The following SPON1 variants were observed in gnomAD, a reference collection of about 807,000 sequenced individuals.
SPON1 encodes the protein spondin-1.
A neutral mutation model predicts 111.7 loss-of-function variants in SPON1; 52 were observed. The observed-to-expected ratio is 0.47, with a 90% CI of 0.37 to 0.59. The LOEUF (loss-of-function observed/expected upper bound fraction) is 0.59. Among genes scored for constraint, SPON1 ranks in the 20% least tolerant of loss-of-function variants. The pLI, the probability that SPON1 is intolerant of heterozygous loss-of-function variation, is 0.00. For synonymous variants in SPON1, 410 were observed against 395.8 expected (o/e 1.04, Z -0.43); for missense variants, 957 against 1,068.5 (o/e 0.90, Z 1.46).
chr11:13,975,396 G>A (rs1554908971), intron 1 of SPON1, among the ~76,000 whole-genome samples: 1 of 152,096 alleles, frequency 6.6e-6, no homozygotes, highest in East Asian at 1.9e-4. Context: ...AACCTTTTTT[G>A]TTCATTCATT....
At chr11:14,104,938 A>G (rs1266752173) in intron 5 of SPON1, among the ~76,000 whole-genome samples, 3 of 152,150 alleles carry the variant, frequency 2.0e-5, no homozygotes, top group Admixed American at 6.5e-5. Flanking sequence ...TTTTCATTAC[A>G]ATGAAGTCCT....
At chr11:13,982,165 C>CGT (rs1848149127) in intron 1 of SPON1, among the ~76,000 whole-genome samples, 3 of 131,052 alleles carry the variant, frequency 2.3e-5, no homozygotes, top group Non-Finnish European at 5.1e-5. Context: ...TAAACTTTAT[C>CGT]ATATGTATGT....
chr11:14,173,633 T>G (rs183837101), intron 6 of SPON1, among the ~76,000 whole-genome samples: 1 of 152,322 alleles, frequency 6.6e-6, no homozygotes, highest in African/African-American at 2.4e-5. Context: ...TTTATCTACC[T>G]TTTGTCTTTG....
intron 5 of SPON1, among the ~76,000 whole-genome samples, chr11:14,112,117 AAAAAAGG>A (rs1424914889): frequency 1.2e-4 from 18 of 152,152 alleles, no homozygotes; most frequent in African/African-American, 4.3e-4. Flanking sequence ...GGGAAAAAAA[AAAAAAGG>A]AAAAAGAAAA....
chr11:14,151,612 T>A (rs1554929929), intron 6 of SPON1, among the ~76,000 whole-genome samples: 1 of 152,190 alleles, frequency 6.6e-6, no homozygotes. Context: ...TGGGTTATAA[T>A]GCCTTCTACC....
intron 1 of SPON1, among the ~76,000 whole-genome samples, chr11:13,981,974 T>C (rs1384667304): frequency 6.6e-6 from 1 of 152,198 alleles, no homozygotes; most frequent in Non-Finnish European, 1.5e-5. Context: ...AGTACTCCCT[T>C]ATCCGAGGTT....
chr11:14,087,644 G>A (rs1231461398), intron 5 of SPON1, among the ~76,000 whole-genome samples: 1 of 152,156 alleles, frequency 6.6e-6, no homozygotes, highest in East Asian at 1.9e-4. Context: ...AGATAGTTCT[G>A]TAGTTCTATT....
chr11:14,257,899 G>A lies in SPON1; in HGVS notation c.1492+1G>A. 1 of 1,541,160 alleles carries A rather than the reference G, an allele frequency of 6.5e-7. No individual in the cohort carries two copies. The highest frequency in any genetic ancestry group is 8.8e-7 in the Non-Finnish European group (1 of 1,142,538). On this transcript the variant is annotated splice_donor_variant, in intron 11 of 15. Transcript: ENST00000576479. LOFTEE classifies it high-confidence loss of function. Reference sequence around the variant, plus strand: ...ATGGGCCCTGGCTGCAGTGACGAAGGTGAGGAGACAACCCAGACCAGCCAG... The same window carrying A: ...ATGGGCCCTGGCTGCAGTGACGAAGATGAGGAGACAACCCAGACCAGCCAG...
intron 1 of SPON1, among the ~76,000 whole-genome samples, chr11:13,978,994 G>A (rs1407943072): frequency 3.3e-5 from 5 of 152,188 alleles, no homozygotes; most frequent in Admixed American, 1.3e-4. Context: ...GGGGTTCCCC[G>A]GAGGCTGATT....
intron 15 of SPON1, among the ~76,000 whole-genome samples, chr11:14,264,569 G>A (rs797043674): frequency 3.9e-5 from 6 of 152,316 alleles, no homozygotes; most frequent in African/African-American, 1.4e-4. Context: ...TATGATTAGG[G>A]AGCTGTTTGC....
At position 14,265,559 on chromosome 11, in the gene SPON1, T is replaced by C; in HGVS notation, c.2296T>C (p.Cys766Arg). ...GCGCCCATGGACGGCCTGGTCAGAATGCACCAAACTGTGCGGAGGTGGAAT... is the reference window on the plus strand; with the variant it reads ...GCGCCCATGGACGGCCTGGTCAGAACGCACCAAACTGTGCGGAGGTGGAAT... ...RMRPWTAWSE[C>R]TKLCGGGIQE... Residue 766 changes from cysteine to arginine, a missense_variant, in exon 16 of 16, where the codon TGC (cysteine) becomes CGC (arginine). By Grantham distance (180) the Cys-to-Arg change is radical. Around this residue, in one of 5 missense-constraint regions of SPON1, gnomAD observed 549 missense variants for 606.2 expected, o/e 0.91. Transcript: ENST00000576479. 6.2e-7 allele frequency: 1 copy of C among 1,613,632 alleles called. No homozygotes were observed. Among genetic ancestry groups the C allele is most frequent in the Non-Finnish European group, 8.5e-7 (1 of 1,179,770 alleles).
chr11:14,156,449 G>C (rs1420033465), intron 6 of SPON1, among the ~76,000 whole-genome samples: 1 of 145,200 alleles, frequency 6.9e-6, no homozygotes, highest in Middle Eastern at 3.2e-3. Context: ...TAGGTTGCCT[G>C]TTCACTCTGA....
chr11:14,048,581 A>T (rs1457151846), intron 3 of SPON1, among the ~76,000 whole-genome samples: 1 of 152,144 alleles, frequency 6.6e-6, no homozygotes, highest in East Asian at 1.9e-4. Flanking sequence ...AACATTTCTA[A>T]ATTACAGACT....
chr11:14,201,420 A>G (rs1848462547), intron 6 of SPON1, among the ~76,000 whole-genome samples: 1 of 150,870 alleles, frequency 6.6e-6, no homozygotes, highest in Admixed American at 6.6e-5. Context: ...TCTTTTTGAG[A>G]CAAAGTCTTG....
chr11:14,140,851 C>T (rs782809214), intron 6 of SPON1, among the ~76,000 whole-genome samples: 4 of 152,096 alleles, frequency 2.6e-5, no homozygotes, highest in Admixed American at 1.3e-4. Flanking sequence ...AGCTAGTATA[C>T]GTCTGGACCC....
At chr11:13,994,342 G>A (rs1484831984) in intron 2 of SPON1, among the ~76,000 whole-genome samples, 1 of 152,146 alleles carries the variant, frequency 6.6e-6, no homozygotes, top group Admixed American at 6.5e-5. Context: ...ATTTGGTATT[G>A]TTCACTAGGA....
chr11:14,130,972 G>A (rs971963491), intron 5 of SPON1, among the ~76,000 whole-genome samples: 11 of 152,084 alleles, frequency 7.2e-5, no homozygotes, highest in African/African-American at 2.4e-4. Context: ...GGAGGTTTGA[G>A]AACAAACACA....
At chr11:14,216,784 T>G (rs1456537749) in intron 6 of SPON1, among the ~76,000 whole-genome samples, 1 of 152,222 alleles carries the variant, frequency 6.6e-6, no homozygotes, top group Non-Finnish European at 1.5e-5. Flanking sequence ...CCAACAAGGT[T>G]GCATTGGAAA....
At chr11:14,132,351 A>T (rs574362747) in intron 5 of SPON1, among the ~76,000 whole-genome samples, 12 of 152,266 alleles carry the variant, frequency 7.9e-5, no homozygotes, top group African/African-American at 2.9e-4. Flanking sequence ...ATTGGCTAGG[A>T]GGTTGAACTT....
Sources: allele counts gnomAD v4.1 joint callset (sites outside exome capture counted in the v4.1 genomes callset), GRCh38; gene constraint gnomAD v4.1.1; regional missense constraint gnomAD v4.1.1; transcripts MANE v1.5; gene names NCBI Gene and HGNC (gene_info 2026-07-23, HGNC 2026-07-21).